ATP8B4: variants seen among roughly 807,000 people sequenced by gnomAD.
ATP8B4 encodes probable phospholipid-transporting ATPase IM.
Under a neutral mutation model 145.6 loss-of-function variants are expected in ATP8B4, and 133 were observed. That is an observed-to-expected ratio of 0.91 (90% CI 0.79 to 1.05). The LOEUF is 1.05. Among genes scored for constraint, ATP8B4 ranks in the 50% least tolerant of loss-of-function variants. The pLI is 0.00. For missense variants in ATP8B4, 1,458 were observed against 1,425.2 expected, an observed-to-expected ratio of 1.02 and a Z score of -0.37; for synonymous variants, 507 against 492.9, an observed-to-expected ratio of 1.03 and a Z score of -0.38.
At chr15:49,935,621 A>G (rs2041668301) in intron 14 of ATP8B4, among the ~76,000 whole-genome samples, 1 of 151,934 alleles carries the variant, frequency 6.6e-6, no homozygotes, top group Non-Finnish European at 1.5e-5. Flanking sequence ...TCATGCCCCC[A>G]CCTCCATCAC....
At chr15:49,935,235 T>A (rs78300037) in intron 14 of ATP8B4, among the ~76,000 whole-genome samples, 3,569 of 152,170 alleles carry the variant, frequency 0.023, 139 homozygotes, top group African/African-American at 0.083. Context: ...TAGGCCCGAC[T>A]TTATGCTAAC....
rs574465646 is a variant in ATP8B4, at chr15:50,104,979, T to C, written c.28+1960A>G. ...CCTGGATGGAATTGGAGACCATTAT[T>C]CTAAGTGAAGTAACTCAGGAATGGA... On this transcript the variant is annotated intron_variant, in intron 2 of 27. Coordinates refer to ENST00000284509, the MANE Select transcript of ATP8B4 (RefSeq NM_024837.4). 9.9e-5 allele frequency among the ~76,000 whole-genome samples: 15 copies of C among 152,158 alleles called. No individual in the cohort carries two copies. The South Asian group carries it at 3.1e-3, about 32-fold the overall frequency.
intron 6 of ATP8B4, among the ~76,000 whole-genome samples, chr15:50,014,231 A>G (rs1003219968): frequency 6.6e-6 from 1 of 152,136 alleles, no homozygotes; most frequent in East Asian, 1.9e-4. Flanking sequence ...CCAATTAACC[A>G]ATCAATCCAC....
At chr15:50,049,672 T>C (rs966150221) in intron 3 of ATP8B4, among the ~76,000 whole-genome samples, 3 of 152,208 alleles carry the variant, frequency 2.0e-5, no homozygotes, top group Non-Finnish European at 2.9e-5. Flanking sequence ...TACCCAGTAA[T>C]TGGATTGCTG....
intron 6 of ATP8B4, among the ~76,000 whole-genome samples, chr15:50,013,456 G>A (rs983693129): frequency 2.0e-5 from 3 of 152,080 alleles, no homozygotes; most frequent in African/African-American, 7.2e-5. Flanking sequence ...TGAAAAGAAA[G>A]GAGAAGTTAT....
At chr15:50,040,062 G>A (rs1453572451) in intron 5 of ATP8B4, among the ~76,000 whole-genome samples, 1 of 151,954 alleles carries the variant, frequency 6.6e-6, no homozygotes, top group Non-Finnish European at 1.5e-5. Context: ...AATTTGGAAG[G>A]GTTGCTGAAT....
At chr15:49,933,867 T>G in intron 15 of ATP8B4, 150 bp downstream of exon 15, 1 of 792,556 alleles carries the variant, frequency 1.3e-6, no homozygotes, top group Non-Finnish European at 1.8e-6. Context: ...ATCCTTCAAA[T>G]TTAACATCAG....
At chr15:50,176,012 C>T (rs539609147) in intron 1 of ATP8B4, among the ~76,000 whole-genome samples, 24 of 151,092 alleles carry the variant, frequency 1.6e-4, no homozygotes, top group African/African-American at 5.6e-4. Context: ...ACATATGTAT[C>T]GCAGTATATA....
At chr15:50,150,643 T>A (rs1420393225) in intron 1 of ATP8B4, among the ~76,000 whole-genome samples, 1 of 152,224 alleles carries the variant, frequency 6.6e-6, no homozygotes, top group Non-Finnish European at 1.5e-5. Flanking sequence ...CTGGAGTCCA[T>A]TATTAAGTTT....
chr15:49,900,716 AG>A (rs1420045890), intron 21 of ATP8B4, among the ~76,000 whole-genome samples: 1 of 152,212 alleles, frequency 6.6e-6, no homozygotes, highest in Non-Finnish European at 1.5e-5. Context: ...CACAAACATT[AG>A]TAAGAGCAAT....
At chr15:50,021,006 G>A (rs2049505076) in intron 6 of ATP8B4, among the ~76,000 whole-genome samples, 1 of 152,130 alleles carries the variant, frequency 6.6e-6, no homozygotes, top group African/African-American at 2.4e-5. Context: ...AAGTATGCAA[G>A]TATACAAGAA....
At chr15:50,106,674 CAG>C (rs2056696570) in intron 2 of ATP8B4, among the ~76,000 whole-genome samples, 1 of 152,068 alleles carries the variant, frequency 6.6e-6, no homozygotes, top group African/African-American at 2.4e-5. Context: ...ACTGATCTGA[CAG>C]AAATCAAAAG....
At chr15:50,147,103 T>C (rs535859605) in intron 1 of ATP8B4, among the ~76,000 whole-genome samples, 98 of 152,274 alleles carry the variant, frequency 6.4e-4, no homozygotes, top group Non-Finnish European at 1.0e-3. Context: ...GAGGTATCAG[T>C]ACAAATTCGA....
At chr15:49,972,459 AC>A in intron 13 of ATP8B4, 122 bp downstream of exon 13, 1 of 824,678 alleles carries the variant, frequency 1.2e-6, no homozygotes, top group Non-Finnish European at 1.9e-6. Flanking sequence ...GTAGATGCTG[AC>A]GGTGCCCATA....
At chr15:50,021,083 A>G (rs1043376737) in intron 6 of ATP8B4, among the ~76,000 whole-genome samples, 1 of 152,098 alleles carries the variant, frequency 6.6e-6, no homozygotes, top group East Asian at 1.9e-4. Context: ...TTGTGTGTGC[A>G]TGTGTGTCTG....
At chr15:49,969,937 C>T (rs1168131614) in intron 13 of ATP8B4, among the ~76,000 whole-genome samples, 1 of 152,206 alleles carries the variant, frequency 6.6e-6, no homozygotes, top group African/African-American at 2.4e-5. Flanking sequence ...ATCAAGTTGG[C>T]TTCATCCCTG....
chr15:50,126,781 A>T (rs1372284995), intron 1 of ATP8B4, among the ~76,000 whole-genome samples: 1 of 152,168 alleles, frequency 6.6e-6, no homozygotes, highest in African/African-American at 2.4e-5. Context: ...ATAGCCAAAG[A>T]AGTTAGAGTC....
At chr15:50,050,144 C>A (rs1203652721) in intron 3 of ATP8B4, among the ~76,000 whole-genome samples, 6 of 152,190 alleles carry the variant, frequency 3.9e-5, no homozygotes, top group Non-Finnish European at 8.8e-5. Flanking sequence ...ATTTTACAGA[C>A]ATTTCTTCCC....
chr15:50,025,403 C>T (rs972571297), intron 6 of ATP8B4, among the ~76,000 whole-genome samples: 1 of 152,188 alleles, frequency 6.6e-6, no homozygotes, highest in Non-Finnish European at 1.5e-5. Context: ...CTTCTCTCCG[C>T]CTTATTCTCT....
Sources: gnomAD v4.1 joint callset for allele counts (sites outside exome capture counted in the v4.1 genomes callset) on GRCh38, gnomAD v4.1.1 for gene constraint, MANE v1.5 for transcripts, NCBI Gene and HGNC (gene_info 2026-07-23, HGNC 2026-07-21) for gene names.